Variants in BCAS1 observed in about 807,000 individuals in gnomAD.
The protein encoded by BCAS1 is brain enriched myelin associated protein 1, also known as breast carcinoma-amplified sequence 1.
In BCAS1, 46 loss-of-function variants were observed where a neutral mutation model predicts 65.4. That is an observed-to-expected ratio of 0.70 (90% CI 0.55 to 0.90). The LOEUF (loss-of-function observed/expected upper bound fraction) is 0.90. Ranked by LOEUF, BCAS1 falls within the 40% of genes least tolerant of loss-of-function variation. The pLI, the probability that BCAS1 is intolerant of heterozygous loss-of-function variation, is 0.00. For synonymous variants in BCAS1, 298 were observed against 293.5 expected (o/e 1.02, Z -0.16); for missense variants, 793 against 771.2 (o/e 1.03, Z -0.33).
chr20:54,038,250 C>G (rs2091931986), intron 3 of BCAS1, among the ~76,000 whole-genome samples: 1 of 151,402 alleles, frequency 6.6e-6, no homozygotes, highest in Non-Finnish European at 1.5e-5. Flanking sequence ...GTCAGGCCTT[C>G]CCTGACTCCT....
intron 11 of BCAS1, among the ~76,000 whole-genome samples, chr20:53,956,565 A>C (rs1034675425): frequency 2.0e-5 from 3 of 152,204 alleles, no homozygotes; most frequent in Non-Finnish European, 1.5e-5. Context: ...TCATCTAAGT[A>C]TGACAACCCC....
chr20:54,038,228 G>T (rs556882198), intron 3 of BCAS1, among the ~76,000 whole-genome samples: 4 of 151,254 alleles, frequency 2.6e-5, no homozygotes, highest in African/African-American at 7.3e-5. Context: ...TATCATTCAA[G>T]ACTTAGGTTA....
chr20:54,054,394 C>T (rs912670158), intron 3 of BCAS1, among the ~76,000 whole-genome samples: 7 of 152,120 alleles, frequency 4.6e-5, no homozygotes, highest in East Asian at 3.8e-4. Context: ...TATATGTATA[C>T]ACCAATAGAG....
intron 3 of BCAS1, among the ~76,000 whole-genome samples, chr20:54,046,390 G>A (rs2092105950): frequency 6.6e-6 from 1 of 152,056 alleles, no homozygotes; most frequent in Non-Finnish European, 1.5e-5. Context: ...TTAGCTGGGT[G>A]TGGTGGCGGG....
chr20:53,992,682 GT>G, intron 6 of BCAS1, 36 bp from the exon 7 acceptor site: 1 of 1,362,150 alleles, frequency 7.3e-7, no homozygotes, highest in Non-Finnish European at 9.8e-7. Context: ...TCAGAACTTT[GT>G]TTTTGAACAA....
rs557953309 is a variant in BCAS1, at chr20:54,012,960, T to C, written c.723+15432A>G. Among the ~76,000 whole-genome samples the C allele has an allele frequency of 7.2e-5, 11 of 152,358 alleles. 2 individuals are homozygous for C. The East Asian group carries it at 1.9e-3, about 27-fold the overall frequency. On this transcript the variant is annotated intron_variant, in intron 4 of 12. Transcript: ENST00000688948. ...TCAGATGTTTACTCAAATATTATCT[T>C]CTCAGCAAGTCCTTTCCTATTTTAA... is the stretch of plus-strand genomic sequence containing the variant.
Position 54,028,806 on chromosome 20 carries a change from T to C in BCAS1, c.309A>G (p.Val103=), listed in dbSNP as rs748574840. ...CGGCTTGGTCTCCGGTACGTCCTGG[T>C]ACAGGCCGAGAGAGCATCAAGAAAA... ...SRFFLMLSRP[V]PGRTGDQAAD... Residue 103 remains valine (V), a synonymous_variant, in exon 4 of 13, where the codon GTA becomes GTG. Coordinates refer to ENST00000688948, the MANE Select transcript of BCAS1 (RefSeq NM_001366298.2). 6.2e-7 allele frequency: 1 copy of C among 1,614,162 alleles called. No homozygotes were observed. Among genetic ancestry groups the C allele is most frequent in the Admixed American group, 1.7e-5 (1 of 60,026 alleles).
intron 4 of BCAS1, among the ~76,000 whole-genome samples, chr20:54,014,632 G>T (rs2091393936): frequency 6.6e-6 from 1 of 152,188 alleles, no homozygotes; most frequent in Non-Finnish European, 1.5e-5. Flanking sequence ...AGTACTGAAA[G>T]TACAGGTGAA....
chr20:53,958,654 TA>T (rs1318490983), intron 10 of BCAS1, among the ~76,000 whole-genome samples: 2 of 152,248 alleles, frequency 1.3e-5, no homozygotes, highest in African/African-American at 4.8e-5. Context: ...AATTATTATT[TA>T]TGAAGGATAA....
At chr20:53,985,805 A>G (rs1259094991) in intron 7 of BCAS1, among the ~76,000 whole-genome samples, 1 of 152,218 alleles carries the variant, frequency 6.6e-6, no homozygotes, top group Non-Finnish European at 1.5e-5. Context: ...TGGAGTTCTT[A>G]TTTAGGCCAC....
chr20:54,055,221 G>A (rs2092278788), intron 3 of BCAS1, among the ~76,000 whole-genome samples: 1 of 152,132 alleles, frequency 6.6e-6, no homozygotes, highest in African/African-American at 2.4e-5. Context: ...AGTCATTATG[G>A]GAAATAGTAT....
chr20:54,044,578 C>A (rs1192808237), intron 3 of BCAS1, among the ~76,000 whole-genome samples: 3 of 152,164 alleles, frequency 2.0e-5, no homozygotes, highest in Non-Finnish European at 4.4e-5. Context: ...TGGCTCATGC[C>A]TATAATCCCA....
At chr20:54,046,280 A>G (rs970888547) in intron 3 of BCAS1, among the ~76,000 whole-genome samples, 3 of 152,204 alleles carry the variant, frequency 2.0e-5, no homozygotes, top group African/African-American at 7.2e-5. Context: ...CTGTAATCCC[A>G]GCACTTTGGG....
At chr20:54,031,277 C>T (rs2091794218) in intron 3 of BCAS1, among the ~76,000 whole-genome samples, 1 of 151,472 alleles carries the variant, frequency 6.6e-6, no homozygotes, top group South Asian at 2.1e-4. Flanking sequence ...AAATTCCTTA[C>T]ATCCAGGTAT....
chr20:53,945,127 G>T, intron 12 of BCAS1, 131 bp from the exon 13 acceptor site: 3 of 798,214 alleles, frequency 3.8e-6, no homozygotes, highest in East Asian at 2.5e-5. Context: ...CCTCAGTGCT[G>T]GGTAAGAGAA....
intron 3 of BCAS1, among the ~76,000 whole-genome samples, chr20:54,052,661 A>T (rs982061266): frequency 3.9e-5 from 6 of 152,272 alleles, no homozygotes; most frequent in Non-Finnish European, 5.9e-5. Context: ...CGTGTCTGCC[A>T]TCTGAGGACA....
chr20:54,042,533 A>C (rs1025611531), intron 3 of BCAS1, among the ~76,000 whole-genome samples: 2 of 152,210 alleles, frequency 1.3e-5, no homozygotes, highest in African/African-American at 4.8e-5. Context: ...TTTTTAAAAA[A>C]TGGTGTCGGG....
At chr20:54,065,856 G>A (rs1002287897) in intron 1 of BCAS1, among the ~76,000 whole-genome samples, 1 of 152,158 alleles carries the variant, frequency 6.6e-6, no homozygotes, top group Non-Finnish European at 1.5e-5. Context: ...AGATTAGAAG[G>A]GTGTGGCCCA....
At chr20:54,017,489 A>G (rs1221621234) in intron 4 of BCAS1, among the ~76,000 whole-genome samples, 2 of 150,218 alleles carry the variant, frequency 1.3e-5, no homozygotes, top group Non-Finnish European at 3.0e-5. Context: ...TCCATCTCCC[A>G]GGTTCAAGCG....
Sources: allele counts gnomAD v4.1 joint callset (sites outside exome capture counted in the v4.1 genomes callset), GRCh38; gene constraint gnomAD v4.1.1; transcripts MANE v1.5; gene names NCBI Gene and HGNC (gene_info 2026-07-23, HGNC 2026-07-21).